The following CUX2 variants were observed in gnomAD, a reference collection of about 807,000 sequenced individuals.
CUX2 encodes the protein cut like homeobox 2.
A neutral mutation model predicts 144.8 loss-of-function variants in CUX2; 40 were observed. That is an observed-to-expected ratio of 0.28 (90% CI 0.21 to 0.36). The LOEUF is 0.36. Ranked by LOEUF, CUX2 falls within the 10% of genes least tolerant of loss-of-function variation. The probability of loss-of-function intolerance (pLI) is 1.00; values close to 1 mark genes in which losing one functional copy is unlikely to be tolerated. For missense variants in CUX2, 1,615 were observed against 1,994.0 expected, an observed-to-expected ratio of 0.81 and a Z score of 3.62; for synonymous variants, 827 against 875.6, an observed-to-expected ratio of 0.94 and a Z score of 0.98.
At chr12:111,290,027 G>T (rs370882301) in intron 4 of CUX2, among the ~76,000 whole-genome samples, 1 of 152,172 alleles carries the variant, frequency 6.6e-6, no homozygotes, top group East Asian at 1.9e-4. Context: ...TGGCAGAGGC[G>T]GTGGGAAGAT....
intron 1 of CUX2, among the ~76,000 whole-genome samples, chr12:111,083,742 C>A (rs1161532413): frequency 6.6e-6 from 1 of 152,000 alleles, no homozygotes; most frequent in East Asian, 1.9e-4. Context: ...TGACAGCTGG[C>A]ACTGAGAGCT....
chr12:111,098,945 G>A (rs1406313654), intron 1 of CUX2, among the ~76,000 whole-genome samples: 1 of 152,240 alleles, frequency 6.6e-6, no homozygotes, highest in Non-Finnish European at 1.5e-5. Flanking sequence ...AGACAGGAAC[G>A]GCCAGAAGTG....
chr12:111,321,246 A>C (rs989326603), intron 17 of CUX2, among the ~76,000 whole-genome samples: 4 of 152,064 alleles, frequency 2.6e-5, no homozygotes, highest in Non-Finnish European at 5.9e-5. Flanking sequence ...AGGCGGGCAG[A>C]TCATGAGATC....
chr12:111,195,045 G>T (rs1880155679), intron 1 of CUX2, among the ~76,000 whole-genome samples: 1 of 152,222 alleles, frequency 6.6e-6, no homozygotes, highest in Non-Finnish European at 1.5e-5. Context: ...TTAAGCAGCA[G>T]ATCTGAGGCC....
intron 3 of CUX2, among the ~76,000 whole-genome samples, chr12:111,236,457 G>T (rs955615998): frequency 6.6e-6 from 1 of 152,202 alleles, no homozygotes; most frequent in Non-Finnish European, 1.5e-5. Context: ...GTAAAGACCA[G>T]GCAGGTAGGA....
At chr12:111,301,117 C>T (rs2136351049) in intron 9 of CUX2, among the ~76,000 whole-genome samples, 1 of 151,006 alleles carries the variant, frequency 6.6e-6, no homozygotes, top group Admixed American at 6.6e-5. Flanking sequence ...GAGTCCAAAA[C>T]TAAAACCCAC....
chr12:111,154,890 GA>G (rs1411483148), intron 1 of CUX2, among the ~76,000 whole-genome samples: 4 of 152,192 alleles, frequency 2.6e-5, no homozygotes, highest in African/African-American at 9.7e-5. Context: ...CTTTGGGGAT[GA>G]CAGCCTTGCT....
chr12:111,184,573 CAA>C (rs71445536), intron 1 of CUX2, among the ~76,000 whole-genome samples: 2,140 of 46,802 alleles, frequency 0.046, 45 homozygotes, highest in African/African-American at 0.13. Context: ...TTCTCTCTAC[CAA>C]AAAAAAAAAA....
intron 1 of CUX2, among the ~76,000 whole-genome samples, chr12:111,087,817 T>C (rs978098591): frequency 6.6e-6 from 1 of 152,198 alleles, no homozygotes; most frequent in African/African-American, 2.4e-5. Context: ...CCTAGGGAAC[T>C]GAAAACTGAA....
At chr12:111,048,312 T>C (rs1402508875) in intron 1 of CUX2, among the ~76,000 whole-genome samples, 1 of 152,230 alleles carries the variant, frequency 6.6e-6, no homozygotes, top group African/African-American at 2.4e-5. Flanking sequence ...CTGGATGTTG[T>C]CATCTCTGCC....
chr12:111,111,847 C>T (rs550171248), intron 1 of CUX2, among the ~76,000 whole-genome samples: 2 of 150,726 alleles, frequency 1.3e-5, no homozygotes, highest in East Asian at 3.9e-4. Context: ...GGCAAATTTG[C>T]CTTTAAAAAA....
intron 1 of CUX2, among the ~76,000 whole-genome samples, chr12:111,181,904 A>G: frequency 6.6e-6 from 1 of 152,178 alleles, no homozygotes; most frequent in East Asian, 1.9e-4. Flanking sequence ...CCATTTCCTC[A>G]TGATATCTAC....
chr12:111,135,244 G>A (rs1875795321), intron 1 of CUX2, among the ~76,000 whole-genome samples: 2 of 152,198 alleles, frequency 1.3e-5, no homozygotes, highest in South Asian at 4.1e-4. Flanking sequence ...AGGGTGGGGT[G>A]TGGGATAGGT....
intron 16 of CUX2, among the ~76,000 whole-genome samples, chr12:111,313,568 G>A (rs1799831067): frequency 1.3e-5 from 2 of 151,442 alleles, no homozygotes; most frequent in African/African-American, 2.4e-5. Flanking sequence ...CTTGACCACA[G>A]GAGGCAGAGC....
intron 1 of CUX2, among the ~76,000 whole-genome samples, chr12:111,203,752 T>C (rs1352353779): frequency 6.6e-6 from 1 of 151,720 alleles, no homozygotes; most frequent in African/African-American, 2.4e-5. Flanking sequence ...GGCCGCCAAG[T>C]GGGGAAGGGG....
At chr12:111,142,452 C>T (rs1028157258) in intron 1 of CUX2, among the ~76,000 whole-genome samples, 1 of 148,736 alleles carries the variant, frequency 6.7e-6, no homozygotes, top group Non-Finnish European at 1.5e-5. Context: ...CTGGTAATGG[C>T]TTAATAAAAC....
At chr12:111,056,339 A>T (rs1180340488) in intron 1 of CUX2, among the ~76,000 whole-genome samples, 5 of 152,244 alleles carry the variant, frequency 3.3e-5, no homozygotes, top group Non-Finnish European at 5.9e-5. Flanking sequence ...GACGGAGCCC[A>T]GTTGGTTCAG....
At chr12:111,156,797 G>A (rs1163189193) in intron 1 of CUX2, among the ~76,000 whole-genome samples, 2 of 152,038 alleles carry the variant, frequency 1.3e-5, no homozygotes, top group African/African-American at 4.8e-5. Context: ...GACCAAAATG[G>A]TGAGACCCCA....
intron 4 of CUX2, among the ~76,000 whole-genome samples, chr12:111,282,055 C>T (rs1885137166): frequency 6.6e-6 from 1 of 152,118 alleles, no homozygotes; most frequent in African/African-American, 2.4e-5. Context: ...GGTGTGGTGG[C>T]TCACACCTGT....
Sources: gnomAD v4.1 joint callset for allele counts (sites outside exome capture counted in the v4.1 genomes callset) on GRCh38, gnomAD v4.1.1 for gene constraint, MANE v1.5 for transcripts, NCBI Gene and HGNC (gene_info 2026-07-23, HGNC 2026-07-21) for gene names.